FAM216A: variants seen among roughly 807,000 people sequenced by gnomAD.
The protein encoded by FAM216A is family with sequence similarity 216 member A.
FAM216A carries 26 observed loss-of-function variants against 37.6 expected under a neutral mutation model. The ratio of observed to expected loss-of-function variants is 0.69; its 90% CI spans 0.51 to 0.96. FAM216A has a LOEUF of 0.96. Among genes scored for constraint, FAM216A ranks in the 40% least tolerant of loss-of-function variants. FAM216A has a pLI of 0.00. For synonymous variants in FAM216A, 110 were observed against 121.7 expected, an observed-to-expected ratio of 0.90 and a Z score of 0.64; for missense variants, 326 against 339.3, an observed-to-expected ratio of 0.96 and a Z score of 0.31.
chr12:110,485,269 C>A, intron 3 of FAM216A, 70 bp downstream of exon 3: 1 of 1,438,006 alleles, frequency 7.0e-7, no homozygotes, highest in Non-Finnish European at 9.5e-7. Context: ...TACTGAAGAT[C>A]AGCTGCTTAG....
At position 110,490,087 on chromosome 12, in the gene FAM216A, A is replaced by G; in HGVS notation, c.772A>G (p.Met258Val). Residue 258 changes from methionine to valine, a missense_variant, in exon 7 of 7, where the codon ATG (methionine) becomes GTG (valine). Met to Val is a conservative substitution (Grantham distance 21). Transcript: ENST00000377673. ...GGAAGAAGATTTACTAAATAATTTT[A>G]TGCAATCAATGTCAATTGAAGAACA... is the stretch of plus-strand genomic sequence containing the variant. The part of the protein sequence containing the change: ...KKEEDLLNNF[M>V]QSMSIEEQGE... 1 of 1,573,772 alleles carries G rather than the reference A, an allele frequency of 6.4e-7. No individual in the cohort carries two copies. Among genetic ancestry groups the G allele is most frequent in the Non-Finnish European group, 8.7e-7 (1 of 1,143,320 alleles).
chr12:110,468,572 G>T, upstream of FAM216A: 1 of 1,537,240 alleles, frequency 6.5e-7, no homozygotes, highest in Non-Finnish European at 8.7e-7. Context: ...TGACCCTCGC[G>T]ATTTGCAAAT....
chr12:110,475,903 AT>A (rs2135544728), intron 2 of FAM216A, among the ~76,000 whole-genome samples: 1 of 152,006 alleles, frequency 6.6e-6, no homozygotes, highest in African/African-American at 2.4e-5. Context: ...CACCCAGCTA[AT>A]TTTTATATTT....
intron 2 of FAM216A, among the ~76,000 whole-genome samples, chr12:110,474,628 G>T (rs186596034): frequency 1.4e-5 from 2 of 147,580 alleles, no homozygotes; most frequent in Non-Finnish European, 3.0e-5. Flanking sequence ...GGAGGCGGAG[G>T]TTGCAGTGAG....
chr12:110,481,913 A>G (rs2062749229), intron 2 of FAM216A, among the ~76,000 whole-genome samples: 1 of 152,190 alleles, frequency 6.6e-6, no homozygotes, highest in African/African-American at 2.4e-5. Flanking sequence ...TCATAATACA[A>G]TTTCCAAATG....
At chr12:110,471,232 G>C (rs1453994831) in intron 1 of FAM216A, among the ~76,000 whole-genome samples, 1 of 152,034 alleles carries the variant, frequency 6.6e-6, no homozygotes, top group Non-Finnish European at 1.5e-5. Flanking sequence ...GGGACTACAG[G>C]CACGTGCCAC....
At chr12:110,481,049 A>G (rs2062744210) in intron 2 of FAM216A, among the ~76,000 whole-genome samples, 1 of 152,062 alleles carries the variant, frequency 6.6e-6, no homozygotes, top group Non-Finnish European at 1.5e-5. Flanking sequence ...GGCTTATTTC[A>G]CTTAGCATGT....
intron 2 of FAM216A, among the ~76,000 whole-genome samples, chr12:110,484,494 A>G (rs2062765922): frequency 6.6e-6 from 1 of 150,950 alleles, no homozygotes; most frequent in Admixed American, 6.6e-5. Context: ...ATATTACTGT[A>G]AATCATTAAA....
At chr12:110,474,497 C>T (rs1365264501) in intron 2 of FAM216A, among the ~76,000 whole-genome samples, 1 of 151,704 alleles carries the variant, frequency 6.6e-6, no homozygotes, top group Non-Finnish European at 1.5e-5. Flanking sequence ...CAAGACCAGC[C>T]TGACCAACAT....
In FAM216A at chr12:110,469,222, C is replaced by A. The variant is rs2062663582; in HGVS notation, c.143+204C>A. On this transcript the variant is annotated intron_variant, in intron 1 of 6. Transcript: ENST00000377673. ...GACTGCCTCGCGGTTGAGGGAGGGT[C>A]TCTGAGGGAAGCTTCGGAGGAGCGT... is the stretch of plus-strand genomic sequence containing the variant. 9.2e-6 allele frequency: 5 copies of A among 543,408 alleles called. No homozygotes were observed. The East Asian group carries it at 1.7e-4, about 19-fold the overall frequency. 33.7% of individuals were successfully genotyped at this position (543,408 alleles called of 1,614,324 possible). A position where few individuals can be genotyped will look rare whatever the true frequency, so the allele number is the denominator to read the frequency against.
intron 2 of FAM216A, among the ~76,000 whole-genome samples, chr12:110,479,494 T>C (rs1388902083): frequency 6.8e-6 from 1 of 147,002 alleles, no homozygotes; most frequent in African/African-American, 2.5e-5. Flanking sequence ...CTAAGATGTA[T>C]AAAAAAGTAG....
At chr12:110,474,141 A>G (rs1015425762) in intron 2 of FAM216A, among the ~76,000 whole-genome samples, 2 of 152,142 alleles carry the variant, frequency 1.3e-5, no homozygotes, top group Non-Finnish European at 1.5e-5. Context: ...GGTCATTTAA[A>G]AAATGTGTTG....
Position 110,490,197 on chromosome 12 carries a change from G to A in FAM216A, c.*60G>A, listed in dbSNP as rs547827430. 250 of 839,846 alleles carry A rather than the reference G, an allele frequency of 3.0e-4. 3 individuals carry two copies. The Middle Eastern group carries it at 4.7e-3, about 16-fold the overall frequency. 52.0% of individuals were successfully genotyped at this position (839,846 alleles called of 1,614,324 possible). A position where few individuals can be genotyped will look rare whatever the true frequency, so the allele number is the denominator to read the frequency against. ...GTGAGGGTAAGGGGTTGTGAGTTGT[G>A]TCCTGTATGTTTAGGATGGTATTGT... On this transcript the variant is annotated 3_prime_UTR_variant, in exon 7 of 7. Coordinates refer to ENST00000377673, the MANE Select transcript of FAM216A (RefSeq NM_013300.3).
At chr12:110,486,847 C>G in intron 5 of FAM216A, 130 bp downstream of exon 5, 1 of 822,250 alleles carries the variant, frequency 1.2e-6, no homozygotes, top group South Asian at 1.8e-5. Flanking sequence ...TCTCAAACTC[C>G]TGGGCTCAAG....
intron 2 of FAM216A, among the ~76,000 whole-genome samples, chr12:110,480,703 A>G (rs1429185075): frequency 1.3e-5 from 2 of 152,022 alleles, no homozygotes; most frequent in African/African-American, 4.8e-5. Flanking sequence ...CATTTCCAGA[A>G]AGTTTTCATC....
intron 2 of FAM216A, among the ~76,000 whole-genome samples, chr12:110,476,498 G>A (rs563463731): frequency 9.4e-4 from 143 of 151,326 alleles, no homozygotes; most frequent in Non-Finnish European, 1.0e-3. Context: ...GTGAGCCACC[G>A]CGCCTGGCCT....
intron 2 of FAM216A, among the ~76,000 whole-genome samples, chr12:110,475,885 C>T (rs530587555): frequency 9.9e-5 from 15 of 152,052 alleles, no homozygotes; most frequent in African/African-American, 2.7e-4. Flanking sequence ...TACAGGCATG[C>T]GCCACCACAC....
At chr12:110,475,433 G>A (rs1303922951) in intron 2 of FAM216A, among the ~76,000 whole-genome samples, 1 of 151,978 alleles carries the variant, frequency 6.6e-6, no homozygotes, top group Non-Finnish European at 1.5e-5. Context: ...GTGGAGACGG[G>A]GTTTCACCAT....
At chr12:110,484,369 G>A (rs1299184614) in intron 2 of FAM216A, among the ~76,000 whole-genome samples, 6 of 127,566 alleles carry the variant, frequency 4.7e-5, no homozygotes, top group Non-Finnish European at 9.4e-5. Context: ...GGAGCTTGCA[G>A]TGAGCTGAGA....
Sources: allele counts gnomAD v4.1 joint callset (sites outside exome capture counted in the v4.1 genomes callset), GRCh38; gene constraint gnomAD v4.1.1; transcripts MANE v1.5; gene names NCBI Gene and HGNC (gene_info 2026-07-23, HGNC 2026-07-21).